Variants in RYR2 observed in about 807,000 individuals in gnomAD.
RYR2 encodes cardiac muscle ryanodine receptor-calcium release channel.
A neutral mutation model predicts 601.1 loss-of-function variants in RYR2; 227 were observed. That is an observed-to-expected ratio of 0.38 (90% CI 0.34 to 0.42). The LOEUF (loss-of-function observed/expected upper bound fraction) is 0.42. RYR2 is among the 10% of genes least tolerant of loss of function. The probability of loss-of-function intolerance (pLI) is 1.00; values close to 1 mark genes in which losing one functional copy is unlikely to be tolerated. For synonymous variants in RYR2, 2,223 were observed against 2,175.1 expected (o/e 1.02, Z -0.61); for missense variants, 4,646 against 6,156.5 (o/e 0.75, Z 8.21).
intron 23 of RYR2, among the ~76,000 whole-genome samples, chr1:237,511,249 A>G (rs1665862735): frequency 6.6e-6 from 1 of 151,746 alleles, no homozygotes; most frequent in Non-Finnish European, 1.5e-5. Context: ...GAGACAGACA[A>G]TAGCCCAATA....
intron 2 of RYR2, among the ~76,000 whole-genome samples, chr1:237,285,276 T>C (rs1691429878): frequency 6.6e-6 from 1 of 152,232 alleles, no homozygotes; most frequent in South Asian, 2.1e-4. Flanking sequence ...TCTGCATCTA[T>C]TGAGATGATC....
At chr1:237,364,603 G>A (rs897221956) in intron 5 of RYR2, among the ~76,000 whole-genome samples, 1 of 151,696 alleles carries the variant, frequency 6.6e-6, no homozygotes, top group Admixed American at 6.6e-5. Context: ...GCTTTTAAAA[G>A]GTTTTTAAAA....
chr1:237,070,586 C>T (rs997871074), intron 1 of RYR2, among the ~76,000 whole-genome samples: 4 of 152,140 alleles, frequency 2.6e-5, no homozygotes, highest in African/African-American at 7.2e-5. Context: ...GGGCTTATTT[C>T]GCCCACATGG....
intron 14 of RYR2, among the ~76,000 whole-genome samples, chr1:237,447,583 T>C (rs12239686): frequency 0.075 from 11,456 of 152,210 alleles, 1,105 homozygotes; most frequent in African/African-American, 0.22. Flanking sequence ...AAAGATTTTC[T>C]GATTCCCAGT....
chr1:237,610,797 T>C lies in RYR2; in HGVS notation c.4719T>C (p.Ser1573=). The change falls in exon 36 of 105, where the codon AGT becomes AGC. Residue 1573 remains serine (S), a synonymous_variant. Transcript: ENST00000366574. The surrounding 1 kb of genome is among the most constrained non-coding windows in gnomAD (Gnocchi z 4.9). ...VMPLSAGLFK[S]EHKNPVPQCP... ...CTCTCTCGGCGGGATTATTCAAGAG[T>C]GAGCACAAGAACCCCGTGCCGCAGT... 1 of 1,608,768 alleles carries C rather than the reference T, an allele frequency of 6.2e-7. No homozygotes were observed. The highest frequency in any genetic ancestry group is 1.1e-5 in the South Asian group (1 of 90,116).
chr1:237,759,686 T>A (rs1693252391), intron 82 of RYR2, 90 bp from the exon 83 acceptor site: 3 of 817,040 alleles, frequency 3.7e-6, no homozygotes, highest in Non-Finnish European at 6.5e-6. Context: ...CTGTCTATTC[T>A]AGAATGGAAA....
At chr1:237,148,761 A>C (rs996948634) in intron 1 of RYR2, among the ~76,000 whole-genome samples, 2 of 151,952 alleles carry the variant, frequency 1.3e-5, no homozygotes, top group Non-Finnish European at 2.9e-5. Context: ...TTCTCTCATA[A>C]AAATAATGAT....
chr1:237,135,710 T>C (rs994881126), intron 1 of RYR2, among the ~76,000 whole-genome samples: 7 of 152,180 alleles, frequency 4.6e-5, no homozygotes, highest in Non-Finnish European at 1.0e-4. Flanking sequence ...TATTTTACAA[T>C]GAGTTTTCAC....
intron 25 of RYR2, among the ~76,000 whole-genome samples, chr1:237,540,632 G>A (rs1438163902): frequency 3.3e-5 from 5 of 151,914 alleles, no homozygotes; most frequent in Admixed American, 3.3e-4. Context: ...ACTTGAGCCT[G>A]GGAGGCAGAA....
chr1:237,258,807 C>T (rs1286733080), intron 1 of RYR2, among the ~76,000 whole-genome samples: 1 of 152,140 alleles, frequency 6.6e-6, no homozygotes, highest in Non-Finnish European at 1.5e-5. Flanking sequence ...TTTATTGGTG[C>T]AGTATACCTG....
rs376908332 is a variant in RYR2, at chr1:237,785,975, A to C, written c.13267A>C (p.Lys4423Gln). The C allele has an allele frequency of 1.7e-5, 27 of 1,590,686 alleles. No homozygotes were observed. In the African/African-American group the frequency reaches 3.1e-4, roughly 18 times the overall value. Residue 4423 changes from lysine (K) to glutamine (Q), a missense_variant, in exon 91 of 105, where the codon AAG becomes CAG. This residue lies in a region of RYR2 where 364 missense variants were observed against 442.9 expected (regional missense o/e 0.82). Coordinates refer to ENST00000366574, the MANE Select transcript of RYR2 (RefSeq NM_001035.3). The stretch of plus-strand genomic sequence containing the variant: ...CCCCATTGACTCATTCAAGGAACAG[A>C]AGGCAAAAGAAGAAGAAAAGGAAGA... The part of the protein sequence containing the change: ...PEVQEKFQEQ[K>Q]AKEEEKEEKE...
intron 104 of RYR2, 78 bp downstream of exon 104, chr1:237,831,643 A>C: frequency 1.2e-6 from 1 of 829,638 alleles, no homozygotes; most frequent in South Asian, 1.5e-5. Context: ...TGTGTGCATT[A>C]AACAGTGAGG....
intron 24 of RYR2, among the ~76,000 whole-genome samples, chr1:237,512,261 C>T (rs1202123857): frequency 6.6e-6 from 1 of 152,120 alleles, no homozygotes; most frequent in Non-Finnish European, 1.5e-5. Context: ...TGTATGTCTT[C>T]ATTTTGAAAA....
At chr1:237,098,385 GTA>G (rs59299610) in intron 1 of RYR2, among the ~76,000 whole-genome samples, 50,527 of 98,620 alleles carry the variant, frequency 0.51, 10,287 homozygotes, top group South Asian at 0.65. Context: ...GCCATTGTGT[GTA>G]TGTGTGTGTG....
chr1:237,406,492 T>C (rs1038613253), intron 10 of RYR2, among the ~76,000 whole-genome samples: 1 of 151,898 alleles, frequency 6.6e-6, no homozygotes, highest in Admixed American at 6.6e-5. Flanking sequence ...CTTCATATTA[T>C]TTACTTTTGC....
intron 35 of RYR2, among the ~76,000 whole-genome samples, chr1:237,605,421 C>T (rs1245345678): frequency 1.3e-5 from 2 of 152,252 alleles, no homozygotes; most frequent in African/African-American, 4.8e-5. Context: ...TGGGACGTAT[C>T]TCAAATTAAT....
At chr1:237,431,014 G>C (rs1054858148) in intron 12 of RYR2, among the ~76,000 whole-genome samples, 1 of 152,146 alleles carries the variant, frequency 6.6e-6, no homozygotes, top group African/African-American at 2.4e-5. Context: ...TTCTTTAACT[G>C]AGCAATTTAG....
rs752779628 is a variant in RYR2 at position 237,705,204 on chromosome 1, C to T, written c.9450-9C>T. 48 of 1,604,054 alleles carry T rather than the reference C, an allele frequency of 3.0e-5. No individual in the cohort carries two copies. The highest frequency in any genetic ancestry group is 1.6e-4 in the Middle Eastern group (1 of 6,072). ...AAGACCTTAAAACATAAGCATTTTCCACTTATAGGCAACGTTCTGCATTAG... is the reference window on the plus strand; with the variant it reads ...AAGACCTTAAAACATAAGCATTTTCTACTTATAGGCAACGTTCTGCATTAG... On this transcript the variant is annotated splice_polypyrimidine_tract_variant and intron_variant, in intron 66 of 104. Transcript: ENST00000366574.
At chr1:237,534,850 A>G (rs560371715) in intron 25 of RYR2, among the ~76,000 whole-genome samples, 2 of 152,072 alleles carry the variant, frequency 1.3e-5, no homozygotes, top group South Asian at 4.1e-4. Flanking sequence ...TTTTAGGTTG[A>G]TGAATATGAA....
Sources: gnomAD v4.1 joint callset for allele counts (sites outside exome capture counted in the v4.1 genomes callset) on GRCh38, gnomAD v4.1.1 for gene constraint, gnomAD v4.1.1 regional missense constraint, Gnocchi (gnomAD v3.1) non-coding constraint, MANE v1.5 for transcripts, NCBI Gene and HGNC (gene_info 2026-07-23, HGNC 2026-07-21) for gene names.